Variants in THBS3 observed in about 807,000 individuals in gnomAD.
THBS3 encodes thrombospondin-3.
In THBS3, 78 loss-of-function variants were observed where a neutral mutation model predicts 118.3. The ratio of observed to expected loss-of-function variants is 0.66; its 90% CI spans 0.55 to 0.80. The LOEUF is 0.80. THBS3 is among the 30% of genes least tolerant of loss of function. The pLI, the probability that THBS3 is intolerant of heterozygous loss-of-function variation, is 0.00. For missense variants in THBS3, 1,057 were observed against 1,247.4 expected, an observed-to-expected ratio of 0.85 and a Z score of 2.30; for synonymous variants, 427 against 475.3, an observed-to-expected ratio of 0.90 and a Z score of 1.32.
At chr1:155,201,798 G>T in intron 10 of THBS3, 159 bp downstream of exon 10, 1 of 1,156,106 alleles carries the variant, frequency 8.6e-7, no homozygotes, top group South Asian at 1.5e-5. Flanking sequence ...GCTAGCAAGA[G>T]GCAAACCAGT....
chr1:155,195,873 A>G lies in THBS3; in HGVS notation c.2839T>C (p.Phe947Leu), dbSNP rs1668571686. The G allele has an allele frequency of 6.2e-7, 1 of 1,614,108 alleles. No homozygotes were observed. Among genetic ancestry groups the G allele is most frequent in the African/African-American group, 1.3e-5 (1 of 75,038 alleles). The change falls in exon 23 of 23, where the codon TTC becomes CTC. Residue 947 changes from phenylalanine to leucine, a missense_variant. Phe to Leu is a conservative substitution (Grantham distance 22). This residue lies in a region of THBS3 where 307 missense variants were observed against 326.1 expected (regional missense o/e 0.94). Transcript: ENST00000368378. Reference protein sequence around the residue: ...NDTVPEDFEPFRRQLLQGRV With the variant: ...NDTVPEDFEPLRRQLLQGRV ...CTTCCCTGGAGCAGCTGCCTCCGGA[A>G]TGGCTCAAAGTCCTCAGGCACTGTG...
upstream of THBS3, chr1:155,207,999 G>T (rs1441093314): frequency 2.1e-6 from 1 of 482,332 alleles, no homozygotes. Context: ...AGGCGGGTGA[G>T]GGGGGGCTGA....
At position 155,201,466 on chromosome 1, in the gene THBS3, T is replaced by G; in HGVS notation, c.1280A>C (p.His427Pro). The G allele has an allele frequency of 1.9e-6, 3 of 1,613,474 alleles. No individual in the cohort carries two copies. The highest frequency in any genetic ancestry group is 2.5e-6 in the Non-Finnish European group (3 of 1,179,646). The change falls in exon 11 of 23, where the codon CAC becomes CCC. Residue 427 changes from histidine (H) to proline (P), a missense_variant. Transcript: ENST00000368378. ...TCHSPAHSPC[H>P]IHAHCLFERN... is the part of the protein sequence containing the mutation. The stretch of plus-strand genomic sequence containing the variant: ...TTCAAAGAGACAGTGAGCATGGATG[T>G]GGCAGGGGCTGTGGGCTGGGCTGTG...
upstream of THBS3, chr1:155,209,165 A>G: frequency 1.3e-6 from 2 of 1,498,216 alleles, no homozygotes; most frequent in South Asian, 1.3e-5. Context: ...GACCGCAACG[A>G]TCGGAGGGGC....
chr1:155,203,038 G>A, intron 7 of THBS3, 48 bp downstream of exon 7: 1 of 1,613,924 alleles, frequency 6.2e-7, no homozygotes, highest in Non-Finnish European at 8.5e-7. Context: ...GCCATTGGGT[G>A]GGGAACGTGG....
upstream of THBS3, chr1:155,208,073 G>T: frequency 1.7e-6 from 1 of 585,718 alleles, no homozygotes; most frequent in Non-Finnish European, 3.0e-6. Context: ...CACTGGGAAA[G>T]AATCCTGGAG....
Position 155,206,484 on chromosome 1 carries a change from C to A in THBS3, c.80-78G>T. ...TGCCCTCCCCCGAGCCCACATCACC[C>A]CCTACCCCCACCACCAGGCAGCGTT... On this transcript the variant is annotated intron_variant, in intron 1 of 22. Coordinates refer to ENST00000368378, the MANE Select transcript of THBS3 (RefSeq NM_007112.5). The surrounding 1 kb of genome is among the most constrained non-coding windows in gnomAD (Gnocchi z 4.2). 7.8e-7 allele frequency: 1 copy of A among 1,281,938 alleles called. No homozygotes were observed. Among genetic ancestry groups the A allele is most frequent in the East Asian group, 2.5e-5 (1 of 39,594 alleles). The allele number at this position is 1,281,938 out of a possible 1,614,324, so 79.4% of individuals were successfully genotyped here.
chr1:155,207,683 G>A (rs997611728), intron 1 of THBS3, 115 bp downstream of exon 1: 24 of 1,123,170 alleles, frequency 2.1e-5, no homozygotes, highest in Non-Finnish European at 2.8e-5. Flanking sequence ...GTTTTCCTCT[G>A]GCTCAATTTC....
At chr1:155,196,154 C>A (rs761176987) in intron 21 of THBS3, 28 bp from the exon 22 acceptor site, 2 of 1,613,084 alleles carry the variant, frequency 1.2e-6, no homozygotes, top group South Asian at 2.2e-5. Flanking sequence ...ATAGGAGTAT[C>A]CATTGGTGCT....
At chr1:155,199,617 G>C (rs934036324) in intron 16 of THBS3, among the ~76,000 whole-genome samples, 187 bp downstream of exon 16, 1 of 151,844 alleles carries the variant, frequency 6.6e-6, no homozygotes, top group Non-Finnish European at 1.5e-5. Context: ...AGCTGGGCTT[G>C]GTAGCACATG....
rs1162383156 is a variant in THBS3, at chr1:155,198,619, G to T, written c.1881-17C>A. 3.1e-6 allele frequency: 5 copies of T among 1,611,370 alleles called. No individual in the cohort carries two copies. The Middle Eastern group carries it at 5.0e-4, about 162-fold the overall frequency. ...TCCCCATCGCTAATCAGAAGAACAG[G>T]TACCAAATAAAGGATTTAAAGGTAC... On this transcript the variant is annotated splice_polypyrimidine_tract_variant and intron_variant, in intron 16 of 22. Coordinates refer to ENST00000368378, the MANE Select transcript of THBS3 (RefSeq NM_007112.5).
At chr1:155,204,776 G>T in intron 4 of THBS3, 79 bp downstream of exon 4, 1 of 1,286,654 alleles carries the variant, frequency 7.8e-7, no homozygotes, top group Non-Finnish European at 1.1e-6. Flanking sequence ...TTTTAAGGGA[G>T]AGGGAGATCA....
At chr1:155,204,793 C>T (rs776658677) in intron 4 of THBS3, 62 bp downstream of exon 4, 3 of 1,438,496 alleles carry the variant, frequency 2.1e-6, no homozygotes, top group Non-Finnish European at 2.9e-6. Context: ...ATCAAGAAGA[C>T]AGGAGTCACC....
At chr1:155,203,602 GAGA>G in intron 4 of THBS3, 63 bp from the exon 5 acceptor site, 2 of 1,595,882 alleles carry the variant, frequency 1.3e-6, no homozygotes, top group Non-Finnish European at 1.7e-6. Flanking sequence ...CCTGGTTGGT[GAGA>G]AGGAGGAAGG....
chr1:155,197,239 G>T lies in THBS3; in HGVS notation c.2500-26C>A. ...CTAGGAGACATTGGCAAAGACAGTG[G>T]GTCAACTGCAGAACTGGAGTGAGGG... is the stretch of plus-strand genomic sequence containing the variant. On this transcript the variant is annotated intron_variant, in intron 20 of 22. Transcript: ENST00000368378. The surrounding 1 kb of genome is among the most constrained non-coding windows in gnomAD (Gnocchi z 5.0). 6.2e-7 allele frequency: 1 copy of T among 1,607,298 alleles called. No individual in the cohort carries two copies. The highest frequency in any genetic ancestry group is 8.5e-7 in the Non-Finnish European group (1 of 1,174,410).
rs1273712078 is a variant in THBS3, at chr1:155,197,269, C to CA, written c.2500-57dup. 1 of 1,593,912 alleles carries CA rather than the reference C, an allele frequency of 6.3e-7. No homozygotes were observed. The highest frequency in any genetic ancestry group is 8.6e-7 in the Non-Finnish European group (1 of 1,164,574). ...ACTGCAGAACTGGAGTGAGGGGAGA[C>CA]AACAGGTCGGTAAGTGCAGGTGGGA... On this transcript the variant is annotated intron_variant, in intron 20 of 22. Coordinates refer to ENST00000368378, the MANE Select transcript of THBS3 (RefSeq NM_007112.5). This position sits in a 1 kb window ranked among gnomAD's most constrained non-coding sequence, Gnocchi z 5.0.
Position 155,196,084 on chromosome 1 carries a change from C to G in THBS3, c.2715G>C (p.Gly905=), listed in dbSNP as rs778526514. 4.3e-6 allele frequency: 7 copies of G among 1,613,990 alleles called. No individual in the cohort carries two copies. The highest frequency in any genetic ancestry group is 1.7e-6 in the Non-Finnish European group (2 of 1,180,026). The change falls in exon 22 of 23, where the codon GGG becomes GGC. Residue 905 remains glycine, a synonymous_variant. Transcript: ENST00000368378. ...YEGPQLVADS[G]VIIDTSMRGG... is the part of the protein sequence containing the mutation. ...CTCGCATGGATGTGTCAATGATCACCCCAGAATCCGCCACAAGCTGGGGTC... is the reference window on the plus strand; with the variant it reads ...CTCGCATGGATGTGTCAATGATCACGCCAGAATCCGCCACAAGCTGGGGTC...
chr1:155,197,675 G>GGGGGC lies in THBS3; in HGVS notation c.2303-17_2303-16insGCCCC. On this transcript the variant is annotated splice_polypyrimidine_tract_variant and intron_variant, in intron 19 of 22. Transcript: ENST00000368378. This position sits in a 1 kb window ranked among gnomAD's most constrained non-coding sequence, Gnocchi z 5.0. ...GCCGTGTATCCTGGGGTGGGGGTGG[G>GGGGGC]ATAAAGGTCAGGGGCAGCAAAGCTA... 3.4e-5 allele frequency: 28 copies of GGGGGC among 831,540 alleles called. No individual in the cohort carries two copies. Among genetic ancestry groups the GGGGGC allele is most frequent in the Non-Finnish European group, 5.1e-5 (26 of 512,618 alleles). The allele number at this position is 831,540 out of a possible 1,614,324, so 51.5% of individuals were successfully genotyped here. A position where few individuals can be genotyped will look rare whatever the true frequency, so the allele number is the denominator to read the frequency against.
At position 155,197,375 on chromosome 1, in the gene THBS3, C is replaced by T. The variant is rs79956948; in HGVS notation, c.2499+88G>A. On this transcript the variant is annotated intron_variant, in intron 20 of 22. Transcript: ENST00000368378. This position sits in a 1 kb window ranked among gnomAD's most constrained non-coding sequence, Gnocchi z 5.0. ...AGCCAGATGTCTGGGTAAGAGGGTT[C>T]CCAGTCAAGCAGTGGGGGAGGCCCT... 1.8e-3 allele frequency: 2,781 copies of T among 1,546,440 alleles called. 49 individuals are homozygous for T. The African/African-American group carries it at 0.033, about 18-fold the overall frequency.
Sources: gnomAD v4.1 joint callset for allele counts (sites outside exome capture counted in the v4.1 genomes callset) on GRCh38, gnomAD v4.1.1 for gene constraint, gnomAD v4.1.1 regional missense constraint, Gnocchi (gnomAD v3.1) non-coding constraint, MANE v1.5 for transcripts, NCBI Gene and HGNC (gene_info 2026-07-23, HGNC 2026-07-21) for gene names.